Variants in MUC17 observed in about 807,000 individuals in gnomAD.
MUC17 encodes mucin 17, cell surface associated, also known as mucin-17.
A neutral mutation model predicts 170.3 loss-of-function variants in MUC17; 190 were observed. The ratio of observed to expected loss-of-function variants is 1.12; its 90% CI spans 0.99 to 1.26. The LOEUF (loss-of-function observed/expected upper bound fraction) is 1.26. Ranked by LOEUF, MUC17 falls within the 50% of genes most tolerant of loss-of-function variation. MUC17 has a pLI of 0.00. For missense variants in MUC17, 6,415 were observed against 5,530.0 expected (o/e 1.16, Z -5.08); for synonymous variants, 2,325 against 2,002.5 (o/e 1.16, Z -4.30).
chr7:101,029,334 C>T (rs558298065), intron 1 of MUC17, among the ~76,000 whole-genome samples: 30 of 152,052 alleles, frequency 2.0e-4, no homozygotes, highest in African/African-American at 7.2e-4. Flanking sequence ...CCAGCCTGGG[C>T]AACAGAGCGA....
At position 101,055,186 on chromosome 7, in the gene MUC17, C is replaced by T. The variant is rs192258740; in HGVS notation, c.13364-1008C>T. ...GAAAATAGAAAATAAAATGATAGGA[C>T]GTAATGCAAATATATCACAAATCAT... On this transcript the variant is annotated intron_variant, in intron 11 of 12. Transcript: ENST00000306151. Among the ~76,000 whole-genome samples the T allele has an allele frequency of 2.0e-5, 3 of 151,354 alleles. No individual in the cohort carries two copies. The Admixed American group carries it at 2.0e-4, about 10-fold the overall frequency.
chr7:101,038,604 C>T lies in MUC17; in HGVS notation c.7188C>T (p.Ser2396=), dbSNP rs752429220. Residue 2396 remains serine (S), a synonymous_variant, in exon 3 of 13, where the codon AGC becomes AGT. Transcript: ENST00000306151. ...CAACCTCAACTTATAGTGAAGGAAGCACTCCACTAACAAGTGTGCCTGTCA... is the reference window on the plus strand; with the variant it reads ...CAACCTCAACTTATAGTGAAGGAAGTACTCCACTAACAAGTGTGCCTGTCA... ...SMPTSTYSEG[S]TPLTSVPVST... The T allele has an allele frequency of 8.1e-6, 13 of 1,613,962 alleles. No homozygotes were observed. Among genetic ancestry groups the T allele is most frequent in the Non-Finnish European group, 1.1e-5 (13 of 1,180,014 alleles).
chr7:101,048,258 T>C (rs1794877109), intron 4 of MUC17, 143 bp downstream of exon 4: 7 of 836,982 alleles, frequency 8.4e-6, no homozygotes, highest in Non-Finnish European at 1.2e-5. Flanking sequence ...TTTTGTTTTG[T>C]TTTGTTTCCA....
Position 101,033,087 on chromosome 7 carries a change from T to C in MUC17, c.1671T>C (p.Gly557=), listed in dbSNP as rs1794344242. 1.2e-6 allele frequency: 2 copies of C among 1,612,988 alleles called. No individual in the cohort carries two copies. The highest frequency in any genetic ancestry group is 4.5e-5 in the East Asian group (2 of 44,762). Residue 557 remains glycine, a synonymous_variant, in exon 3 of 13, where the codon GGT becomes GGC. Transcript: ENST00000306151. ...GTTCATCTTCTACAACTCCTGAAGG[T>C]ACCAGCATACCAACCTCAACTCCTA... ...EASSSSTTPE[G]TSIPTSTPSE...
chr7:101,042,143 C>T lies in MUC17; in HGVS notation c.10727C>T (p.Ser3576Phe), dbSNP rs374431518. 72 of 1,614,092 alleles carry T rather than the reference C, an allele frequency of 4.5e-5. No individual in the cohort carries two copies. Among genetic ancestry groups the T allele is most frequent in the Non-Finnish European group, 5.7e-5 (67 of 1,180,042 alleles). ...ATGTCTACTCCAAGTGAAGGAAGCT[C>T]TTCATTAACAACTATGCTCCTCAGC... ...MRMSTPSEGS[S>F]SLTTMLLSST... The change falls in exon 3 of 13, where the codon TCT becomes TTT. Residue 3576 changes from serine to phenylalanine, a missense_variant. Coordinates refer to ENST00000306151, the MANE Select transcript of MUC17 (RefSeq NM_001040105.2).
chr7:101,043,166 C>G lies in MUC17; in HGVS notation c.11750C>G (p.Thr3917Arg). The G allele has an allele frequency of 1.2e-6, 2 of 1,614,202 alleles. No homozygotes were observed. The highest frequency in any genetic ancestry group is 1.7e-6 in the Non-Finnish European group (2 of 1,180,038). Residue 3917 changes from threonine (T) to arginine (R), a missense_variant, in exon 3 of 13, where the codon ACA becomes AGA. Physicochemically the swap from Thr to Arg is moderately conservative, Grantham distance 71. Transcript: ENST00000306151. The part of the protein sequence containing the change: ...TPSTDTASTP[T>R]IPVATTISVS... ...TCTACTGACACTGCCTCAACTCCCA[C>G]AATTCCTGTAGCCACCACCATATCT...
At chr7:101,044,600 C>T (rs1794801760) in intron 3 of MUC17, among the ~76,000 whole-genome samples, 1 of 152,222 alleles carries the variant, frequency 6.6e-6, no homozygotes, top group Non-Finnish European at 1.5e-5. Flanking sequence ...TTTGCCTGGG[C>T]ACCTCAGTCT....
At chr7:101,049,030 T>C (rs1490159473) in intron 5 of MUC17, 58 bp downstream of exon 5, 2 of 1,611,188 alleles carry the variant, frequency 1.2e-6, no homozygotes, top group African/African-American at 1.3e-5. Flanking sequence ...GCAGAGTCTG[T>C]AGGGTAAGAA....
At chr7:101,052,278 G>C (rs1264022473) in intron 9 of MUC17, among the ~76,000 whole-genome samples, 1 of 152,208 alleles carries the variant, frequency 6.6e-6, no homozygotes, top group Non-Finnish European at 1.5e-5. Flanking sequence ...TCCAGAGAGA[G>C]AACAAGATCC....
rs577808535 is a variant in MUC17 at position 101,036,169 on chromosome 7, G to A, written c.4753G>A (p.Val1585Met). 6.2e-7 allele frequency: 1 copy of A among 1,613,994 alleles called. No individual in the cohort carries two copies. Among genetic ancestry groups the A allele is most frequent in the Non-Finnish European group, 8.5e-7 (1 of 1,179,980 alleles). ...LTSLPVSTML[V>M]VSSEANTLST... ...AAGTTTGCCTGTCAGCACCATGCTG[G>A]TGGTCAGTTCTGAGGCTAACACCCT... is the stretch of plus-strand genomic sequence containing the variant. Residue 1585 changes from valine (V) to methionine (M), a missense_variant, in exon 3 of 13, where the codon GTG becomes ATG. Coordinates refer to ENST00000306151, the MANE Select transcript of MUC17 (RefSeq NM_001040105.2).
Position 101,053,006 on chromosome 7 carries a change from A to G in MUC17, c.13124A>G (p.His4375Arg). 1 of 1,613,786 alleles carries G rather than the reference A, an allele frequency of 6.2e-7. No individual in the cohort carries two copies. Among genetic ancestry groups the G allele is most frequent in the Non-Finnish European group, 8.5e-7 (1 of 1,179,884 alleles). The change falls in exon 10 of 13, where the codon CAC (histidine) becomes CGC (arginine). Residue 4375 changes from histidine (H) to arginine (R), a missense_variant. His to Arg is a conservative substitution (Grantham distance 29, BLOSUM62 0). Transcript: ENST00000306151. ...CTCAGCTGCGTGACCACGGAAACTC[A>G]CTGGTACAGTGGGGAGACCTGTAAC... ...PQCLCVTTET[H>R]WYSGETCNQG... is the part of the protein sequence containing the mutation.
chr7:101,021,935 G>A (rs535473981), intron 1 of MUC17, among the ~76,000 whole-genome samples: 36 of 152,252 alleles, frequency 2.4e-4, no homozygotes, highest in Middle Eastern at 3.4e-3. Context: ...AGATCACCTG[G>A]TTATATTGCT....
rs747346172 is a variant in MUC17 at position 101,035,020 on chromosome 7, C to A, written c.3604C>A (p.Pro1202Thr). Residue 1202 changes from proline to threonine, a missense_variant, in exon 3 of 13, where the codon CCA becomes ACA. Transcript: ENST00000306151. ...TTCTACTGAAGCCAGTTCACCTCCT[C>A]CAACTGCTGAAGTTACCAGCATGCC... ...ATSTEASSPP[P>T]TAEVTSMPTS... 4.5e-5 allele frequency: 72 copies of A among 1,612,382 alleles called. No homozygotes were observed. The Admixed American group carries it at 1.2e-3, about 27-fold the overall frequency.
intron 1 of MUC17, among the ~76,000 whole-genome samples, chr7:101,025,324 C>T (rs1794160764): frequency 6.6e-6 from 1 of 150,722 alleles, no homozygotes; most frequent in African/African-American, 2.4e-5. Flanking sequence ...GTTTGCACCA[C>T]TGCAATCCAG....
In MUC17 at chr7:101,048,869, A is replaced by C. The variant is rs751941991; in HGVS notation, c.12560A>C (p.Gln4187Pro). 2 of 1,614,170 alleles carry C rather than the reference A, an allele frequency of 1.2e-6. No individual in the cohort carries two copies. The highest frequency in any genetic ancestry group is 2.2e-5 in the South Asian group (2 of 91,080). ...GGGCCACCGGAGACTATCTCTGCCC[A>C]AATGGAACTGACTGTGACAGTGACC... ...DIGPPETISA[Q>P]MELTVTVTSV... The change falls in exon 5 of 13, where the codon CAA becomes CCA. Residue 4187 changes from glutamine (Q) to proline (P), a missense_variant. Transcript: ENST00000306151.
chr7:101,050,481 C>G lies in MUC17; in HGVS notation c.12723-3C>G. The G allele has an allele frequency of 1.2e-6, 2 of 1,612,180 alleles. No individual in the cohort carries two copies. The highest frequency in any genetic ancestry group is 1.7e-6 in the Non-Finnish European group (2 of 1,178,908). The stretch of plus-strand genomic sequence containing the variant: ...CCCAGGACGTCTTCCCTTCCCTCTT[C>G]AGTCTTGGCAGTGTGGTGGTGGAGC... On this transcript the variant is annotated splice_region_variant and splice_polypyrimidine_tract_variant and intron_variant, in intron 6 of 12. Transcript: ENST00000306151.
chr7:101,056,961 A>G lies in MUC17; in HGVS notation c.13440+691A>G, dbSNP rs1278258443. ...ATTTTTTAACATATTGCTTTTTTTA[A>G]GAGTCTAGGATGGTTGTCTTGAAAA... On this transcript the variant is annotated intron_variant, in intron 12 of 12. Transcript: ENST00000306151. 2.0e-5 allele frequency among the ~76,000 whole-genome samples: 3 copies of G among 151,984 alleles called. No homozygotes were observed. In the East Asian group the frequency reaches 5.8e-4, roughly 29 times the overall value.
chr7:101,051,460 T>C (rs983133908), intron 7 of MUC17, among the ~76,000 whole-genome samples, 153 bp from the exon 8 acceptor site: 1 of 150,876 alleles, frequency 6.6e-6, no homozygotes, highest in Non-Finnish European at 1.5e-5. Flanking sequence ...GGAGGGTCAC[T>C]GGACGCGAGG....
chr7:101,055,510 A>G (rs1003059326), intron 11 of MUC17, among the ~76,000 whole-genome samples: 1 of 152,248 alleles, frequency 6.6e-6, no homozygotes, highest in Non-Finnish European at 1.5e-5. Flanking sequence ...TGTTAGTACA[A>G]TCTCGAAATA....
Sources: allele counts gnomAD v4.1 joint callset (sites outside exome capture counted in the v4.1 genomes callset), GRCh38; gene constraint gnomAD v4.1.1; transcripts MANE v1.5; gene names NCBI Gene and HGNC (gene_info 2026-07-23, HGNC 2026-07-21).